The following TRPM7 variants were observed in gnomAD, a reference collection of about 807,000 sequenced individuals.
The protein encoded by TRPM7 is transient receptor potential cation channel subfamily M member 7.
A neutral mutation model predicts 229.7 loss-of-function variants in TRPM7; 134 were observed. The observed-to-expected ratio is 0.58, with a 90% CI of 0.51 to 0.67. The LOEUF (loss-of-function observed/expected upper bound fraction) is 0.67. Among genes scored for constraint, TRPM7 ranks in the 30% least tolerant of loss-of-function variants. TRPM7 has a pLI of 0.00. For missense variants in TRPM7, 1,901 were observed against 2,210.0 expected (o/e 0.86, Z 2.80); for synonymous variants, 699 against 715.2 (o/e 0.98, Z 0.36).
In TRPM7 at chr15:50,599,155, T is replaced by C. The variant is rs775451049; in HGVS notation, c.3130A>G (p.Ile1044Val). The change falls in exon 22 of 39, where the codon ATT (isoleucine) becomes GTT (valine). Residue 1044 changes from isoleucine to valine, a missense_variant. Ile to Val is a conservative substitution (Grantham distance 29, BLOSUM62 3). Around this residue, in one of 8 missense-constraint regions of TRPM7, gnomAD observed 89 missense variants for 178.2 expected, o/e 0.50. Transcript: ENST00000646667. ...KDIVFHPYWM[I>V]FGEVYAYEID... ...TCGTATGCATAAACTTCACCAAAAA[T>C]CATCCAGTATGGGTGAAAAACTATA... 4 of 1,610,852 alleles carry C rather than the reference T, an allele frequency of 2.5e-6. No homozygotes were observed. Among genetic ancestry groups the C allele is most frequent in the East Asian group, 4.5e-5 (2 of 44,782 alleles).
At chr15:50,666,830 G>C (rs1291469971) in intron 1 of TRPM7, among the ~76,000 whole-genome samples, 3 of 152,090 alleles carry the variant, frequency 2.0e-5, no homozygotes, top group Non-Finnish European at 2.9e-5. Context: ...GGTGGAGGTG[G>C]CAGCACAAGT....
Position 50,561,720 on chromosome 15 carries a change from G to C in TRPM7, c.5556C>G (p.Thr1852=). ...SDLNLQPGNS[T]KESESTNSVR... ...CAGAATTAGTTGATTCTGATTCTTT[G>C]GTGGAATTTCCAGGCTGAAGATTCA... The change falls in exon 39 of 39, where the codon ACC becomes ACG. Residue 1852 remains threonine, a synonymous_variant. Coordinates refer to ENST00000646667, the MANE Select transcript of TRPM7 (RefSeq NM_017672.6). The C allele has an allele frequency of 1.2e-6, 2 of 1,611,958 alleles. No homozygotes were observed. The highest frequency in any genetic ancestry group is 1.7e-6 in the Non-Finnish European group (2 of 1,179,320).
intron 30 of TRPM7, among the ~76,000 whole-genome samples, chr15:50,579,329 G>C (rs545580989): frequency 1.3e-5 from 2 of 152,202 alleles, no homozygotes; most frequent in Non-Finnish European, 2.9e-5. Flanking sequence ...GAAAGGACCA[G>C]ATCCAGAAAG....
intron 3 of TRPM7, among the ~76,000 whole-genome samples, chr15:50,656,411 C>T (rs2061573001): frequency 2.0e-5 from 3 of 151,980 alleles, no homozygotes; most frequent in South Asian, 2.1e-4. Flanking sequence ...ACGATCCTCC[C>T]GGCTCCAATG....
At chr15:50,647,704 C>T (rs547676509) in intron 4 of TRPM7, among the ~76,000 whole-genome samples, 1 of 152,152 alleles carries the variant, frequency 6.6e-6, no homozygotes, top group East Asian at 2.0e-4. Context: ...CGAGATTGCG[C>T]CACCGCACTC....
chr15:50,686,384 G>GA (rs2062361450), intron 1 of TRPM7, 147 bp downstream of exon 1: 1 of 1,363,616 alleles, frequency 7.3e-7, no homozygotes, highest in African/African-American at 1.4e-5. Context: ...CACCCGTCCC[G>GA]AGAGGACAAA....
At chr15:50,621,316 T>A (rs554574604) in intron 12 of TRPM7, among the ~76,000 whole-genome samples, 17 of 152,314 alleles carry the variant, frequency 1.1e-4, no homozygotes, top group Non-Finnish European at 4.4e-5. Context: ...TTGGGGAATT[T>A]CATTGCATTT....
rs531704959 is a variant in TRPM7 at position 50,594,440 on chromosome 15, G to A, written c.3464C>T (p.Ser1155Phe). 8.2e-5 allele frequency: 132 copies of A among 1,609,564 alleles called. 2 individuals carry two copies. In the South Asian group the frequency reaches 1.4e-3, roughly 18 times the overall value. Residue 1155 changes from serine (S) to phenylalanine (F), a missense_variant, in exon 24 of 39, where the codon TCC becomes TTC. Around this residue, in one of 8 missense-constraint regions of TRPM7, gnomAD observed 533 missense variants for 497.1 expected, o/e 1.07. Coordinates refer to ENST00000646667, the MANE Select transcript of TRPM7 (RefSeq NM_017672.6). ...ICKRRKKDKT[S>F]DGPKLFLTEE... is the part of the protein sequence containing the mutation. ...TATAGTTTACTTACTTGGTCCATCG[G>A]AAGTCTTATCTTTCTTTCTTCTCTT...
chr15:50,626,250 G>A (rs534488508), intron 11 of TRPM7, among the ~76,000 whole-genome samples: 1 of 151,302 alleles, frequency 6.6e-6, no homozygotes, highest in South Asian at 2.1e-4. Flanking sequence ...TTACAATTAG[G>A]GCATTATACA....
At chr15:50,656,943 C>T (rs1287520161) in intron 3 of TRPM7, among the ~76,000 whole-genome samples, 1 of 152,164 alleles carries the variant, frequency 6.6e-6, no homozygotes, top group Non-Finnish European at 1.5e-5. Flanking sequence ...ACTTCAGGTT[C>T]TCATCTTTTT....
intron 21 of TRPM7, among the ~76,000 whole-genome samples, chr15:50,599,912 T>C (rs192467655): frequency 6.6e-6 from 1 of 152,334 alleles, no homozygotes; most frequent in East Asian, 1.9e-4. Flanking sequence ...ATGTAGTTTG[T>C]AATTCTTTAA....
chr15:50,683,658 G>T (rs1209571938), intron 1 of TRPM7, among the ~76,000 whole-genome samples: 2 of 152,058 alleles, frequency 1.3e-5, no homozygotes, highest in African/African-American at 4.8e-5. Flanking sequence ...CTTGAACCAG[G>T]AGGCAGAGGC....
At chr15:50,644,653 A>G (rs2061205290) in intron 4 of TRPM7, among the ~76,000 whole-genome samples, 1 of 152,054 alleles carries the variant, frequency 6.6e-6, no homozygotes, top group Admixed American at 6.6e-5. Context: ...ATACAAAAAA[A>G]TTAGCTAGGC....
intron 3 of TRPM7, among the ~76,000 whole-genome samples, chr15:50,654,699 A>T (rs1021266240): frequency 6.6e-6 from 1 of 151,224 alleles, no homozygotes; most frequent in African/African-American, 2.4e-5. Flanking sequence ...AATGTATGAA[A>T]TGAAAATTCA....
chr15:50,677,488 C>T (rs2062119888), intron 1 of TRPM7, among the ~76,000 whole-genome samples: 1 of 152,216 alleles, frequency 6.6e-6, no homozygotes, highest in Admixed American at 6.5e-5. Context: ...CACCTATAAT[C>T]CCAGCACTTT....
chr15:50,578,276 T>C (rs2054231994), intron 31 of TRPM7, among the ~76,000 whole-genome samples: 1 of 152,142 alleles, frequency 6.6e-6, no homozygotes, highest in Non-Finnish European at 1.5e-5. Context: ...TTTAGAGACA[T>C]GTAGGAAGTA....
chr15:50,571,458 T>C (rs189475372), intron 36 of TRPM7, among the ~76,000 whole-genome samples: 48 of 152,318 alleles, frequency 3.2e-4, no homozygotes, highest in African/African-American at 1.1e-3. Flanking sequence ...GTAGAGTGAA[T>C]GTTTATCAAC....
chr15:50,633,046 T>C, intron 8 of TRPM7, 54 bp from the exon 9 acceptor site: 1 of 1,517,580 alleles, frequency 6.6e-7, no homozygotes, highest in Non-Finnish European at 8.8e-7. Flanking sequence ...ATTTGTAGGA[T>C]CAATATGAAG....
chr15:50,666,756 C>T (rs991092349), intron 1 of TRPM7, among the ~76,000 whole-genome samples: 4 of 151,978 alleles, frequency 2.6e-5, no homozygotes, highest in Admixed American at 2.6e-4. Flanking sequence ...GAGCCGAGAT[C>T]GTGCCATTGC....
Sources: gnomAD v4.1 joint callset for allele counts (sites outside exome capture counted in the v4.1 genomes callset) on GRCh38, gnomAD v4.1.1 for gene constraint, gnomAD v4.1.1 regional missense constraint, MANE v1.5 for transcripts, NCBI Gene and HGNC (gene_info 2026-07-23, HGNC 2026-07-21) for gene names.